COL22A1: variants seen among roughly 807,000 people sequenced by gnomAD.
The protein encoded by COL22A1 is collagen alpha-1(XXII) chain.
Under a neutral mutation model 248.9 loss-of-function variants are expected in COL22A1, and 221 were observed. That is an observed-to-expected ratio of 0.89 (90% confidence interval 0.80 to 0.99). COL22A1 has a LOEUF of 0.99. COL22A1 is among the 50% of genes least tolerant of loss of function. The pLI, the probability that COL22A1 is intolerant of heterozygous loss-of-function variation, is 0.00. For missense variants in COL22A1, 2,240 were observed against 2,179.0 expected, an observed-to-expected ratio of 1.03 and a Z score of -0.56; for synonymous variants, 891 against 793.4, an observed-to-expected ratio of 1.12 and a Z score of -2.07.
intron 23 of COL22A1, among the ~76,000 whole-genome samples, chr8:138,732,989 T>C: frequency 6.6e-6 from 1 of 152,220 alleles, no homozygotes; most frequent in East Asian, 1.9e-4. Context: ...CATGTTTATT[T>C]TGGGGGGAAG....
intron 7 of COL22A1, 90 bp from the exon 8 acceptor site, chr8:138,813,109 C>T (rs562720999): frequency 2.2e-6 from 2 of 926,716 alleles, no homozygotes; most frequent in East Asian, 5.0e-5. Flanking sequence ...GTCCTGGTAT[C>T]TGGTTCCACT....
chr8:138,716,114 CT>C, intron 29 of COL22A1, 112 bp downstream of exon 29: 1 of 817,776 alleles, frequency 1.2e-6, no homozygotes, highest in Non-Finnish European at 2.0e-6. Context: ...GAAATACACT[CT>C]TCACCCAGTC....
rs555267776 is a variant in COL22A1, at chr8:138,860,283, G to A, written c.659-16125C>T. ...AGTTCTGTGTAAGAGGTGTCCACAT[G>A]TGTATCCCCTCTGTGGCAGAGTCAG... On this transcript the variant is annotated intron_variant, in intron 3 of 64. Coordinates refer to ENST00000303045, the MANE Select transcript of COL22A1 (RefSeq NM_152888.3). Among the ~76,000 whole-genome samples, 4 of 152,258 alleles carry A rather than the reference G, an allele frequency of 2.6e-5. No homozygotes were observed. In the East Asian group the frequency reaches 7.7e-4, roughly 29 times the overall value.
intron 21 of COL22A1, among the ~76,000 whole-genome samples, 155 bp from the exon 22 acceptor site, chr8:138,751,666 T>A (rs1214215400): frequency 6.6e-6 from 1 of 152,222 alleles, no homozygotes; most frequent in Non-Finnish European, 1.5e-5. Context: ...CTCTCAAACC[T>A]ATAACACTTT....
rs1815637660 is a variant in COL22A1, at chr8:138,914,001, C to A, written c.-455G>T. 6.5e-6 allele frequency: 1 copy of A among 152,712 alleles called. No homozygotes were observed. The highest frequency in any genetic ancestry group is 2.4e-5 in the African/African-American group (1 of 41,478). The allele number at this position is 152,712 out of a possible 1,614,324, so 9.5% of individuals were successfully genotyped here. ...GCAGCCTCGGCCAGCCCCGCCACTGCCCAGGAACAAAGCTGTCTGGAGCCT... is the reference window on the plus strand; with the variant it reads ...GCAGCCTCGGCCAGCCCCGCCACTGACCAGGAACAAAGCTGTCTGGAGCCT... On this transcript the variant is annotated 5_prime_UTR_variant, in exon 1 of 65. Transcript: ENST00000303045.
At chr8:138,807,910 A>G in intron 9 of COL22A1, 98 bp from the exon 10 acceptor site, 1 of 1,248,708 alleles carries the variant, frequency 8.0e-7, no homozygotes, top group Non-Finnish European at 1.2e-6. Context: ...TTAGAAGCCA[A>G]TGGCTTAGTA....
At chr8:138,762,527 A>G in intron 16 of COL22A1, 61 bp from the exon 17 acceptor site, 1 of 1,500,348 alleles carries the variant, frequency 6.7e-7, no homozygotes, top group Non-Finnish European at 9.3e-7. Flanking sequence ...GCAGCCCAGC[A>G]CACATCCCCA....
chr8:138,792,225 G>A (rs1009694009), intron 12 of COL22A1, among the ~76,000 whole-genome samples: 1 of 152,248 alleles, frequency 6.6e-6, no homozygotes, highest in Admixed American at 6.5e-5. Context: ...CAACACTGTC[G>A]CACCTCTAGG....
chr8:138,676,578 TG>T lies in COL22A1; in HGVS notation c.3129del (p.Ile1044LeufsTer63), dbSNP rs1825574243. On this transcript the variant is annotated frameshift_variant, in exon 41 of 65. Transcript: ENST00000303045. LOFTEE classifies it high-confidence loss of function. ...CTTACAGGAGGGCCAGCAACCCCAA[TG>T]CCTGGGTCACCACGGCTGCCAGGAG... ...PGSPGSRGDP[G>X]IGVAGPPGPS... 1 of 1,566,296 alleles carries T rather than the reference TG, an allele frequency of 6.4e-7. No individual in the cohort carries two copies. The highest frequency in any genetic ancestry group is 1.2e-5 in the South Asian group (1 of 85,056).
intron 15 of COL22A1, among the ~76,000 whole-genome samples, chr8:138,777,601 G>A (rs879703892): frequency 2.6e-5 from 4 of 152,042 alleles, no homozygotes; most frequent in Admixed American, 1.3e-4. Flanking sequence ...TCCCACTTAT[G>A]AGTGAGAACA....
intron 3 of COL22A1, among the ~76,000 whole-genome samples, chr8:138,851,709 T>C (rs191557873): frequency 6.6e-6 from 1 of 152,248 alleles, no homozygotes; most frequent in East Asian, 1.9e-4. Context: ...TGCAGCCTTT[T>C]TGTGTGACAG....
chr8:138,887,056 A>G (rs1470630713), intron 1 of COL22A1, among the ~76,000 whole-genome samples: 3 of 152,168 alleles, frequency 2.0e-5, no homozygotes, highest in African/African-American at 4.8e-5. Flanking sequence ...TCGAGTCACA[A>G]GCAATCCAAC....
At chr8:138,769,150 TAA>T (rs1834151487) in intron 16 of COL22A1, among the ~76,000 whole-genome samples, 2 of 152,026 alleles carry the variant, frequency 1.3e-5, no homozygotes, top group South Asian at 4.2e-4. Flanking sequence ...GCTGTGAGTT[TAA>T]GAGTCAAGGC....
chr8:138,630,558 G>C (rs1373759396), intron 50 of COL22A1, 137 bp downstream of exon 50: 2 of 744,792 alleles, frequency 2.7e-6, no homozygotes, highest in African/African-American at 3.5e-5. Context: ...TTCATTGCAA[G>C]ACTTGTAGTG....
intron 3 of COL22A1, among the ~76,000 whole-genome samples, chr8:138,848,901 C>G (rs925465933): frequency 8.5e-5 from 13 of 152,190 alleles, no homozygotes; most frequent in African/African-American, 2.9e-4. Context: ...CAGGGCAGCC[C>G]TGCCGGATAC....
chr8:138,813,194 C>T (rs770425273), intron 7 of COL22A1, among the ~76,000 whole-genome samples, 175 bp from the exon 8 acceptor site: 6 of 152,150 alleles, frequency 3.9e-5, no homozygotes, highest in Non-Finnish European at 7.3e-5. Context: ...TCACAAGGAG[C>T]TAAGCATCAT....
intron 3 of COL22A1, among the ~76,000 whole-genome samples, chr8:138,861,582 C>G (rs1822461019): frequency 6.6e-6 from 1 of 152,174 alleles, no homozygotes; most frequent in African/African-American, 2.4e-5. Context: ...GTTCCTGGGT[C>G]TCGCCTCCTT....
intron 60 of COL22A1, among the ~76,000 whole-genome samples, chr8:138,601,522 G>A (rs932201368): frequency 1.3e-5 from 2 of 152,154 alleles, no homozygotes; most frequent in South Asian, 2.1e-4. Context: ...GTGGGCAAAC[G>A]AGACGCATAA....
At chr8:138,873,395 G>A (rs80131987) in intron 3 of COL22A1, among the ~76,000 whole-genome samples, 1,974 of 152,156 alleles carry the variant, frequency 0.013, 30 homozygotes, top group African/African-American at 0.044. Context: ...CTTCTAATGC[G>A]CACATCACAA....
Sources: gnomAD v4.1 joint callset for allele counts (sites outside exome capture counted in the v4.1 genomes callset) on GRCh38, gnomAD v4.1.1 for gene constraint, MANE v1.5 for transcripts, NCBI Gene and HGNC (gene_info 2026-07-23, HGNC 2026-07-21) for gene names.